Variants in SOX5 observed in about 807,000 individuals in gnomAD.
SOX5 encodes transcription factor SOX-5.
Under a neutral mutation model 92.0 loss-of-function variants are expected in SOX5, and 9 were observed. That is an observed-to-expected ratio of 0.10 (90% confidence interval 0.06 to 0.17). The LOEUF (loss-of-function observed/expected upper bound fraction) is 0.17. Among genes scored for constraint, SOX5 ranks in the 10% least tolerant of loss-of-function variants. The pLI, the probability that SOX5 is intolerant of heterozygous loss-of-function variation, is 1.00. For synonymous variants in SOX5, 344 were observed against 336.3 expected (o/e 1.02, Z -0.25); for missense variants, 642 against 944.5 (o/e 0.68, Z 4.20).
intron 2 of SOX5, among the ~76,000 whole-genome samples, chr12:24,301,905 A>C (rs757154927): frequency 6.6e-6 from 1 of 152,194 alleles, no homozygotes; most frequent in Non-Finnish European, 1.5e-5. Context: ...CAGCAACTAC[A>C]TCAGTTCTGA....
chr12:24,256,871 C>T (rs1372880835), intron 3 of SOX5, among the ~76,000 whole-genome samples: 2 of 152,182 alleles, frequency 1.3e-5, no homozygotes, highest in African/African-American at 4.8e-5. Context: ...TTATTAATTG[C>T]ACTTGTCAAC....
chr12:24,358,725 A>G (rs936561804), intron 2 of SOX5, among the ~76,000 whole-genome samples: 8 of 152,260 alleles, frequency 5.3e-5, no homozygotes, highest in Non-Finnish European at 1.2e-4. Context: ...ACAAAGCAAT[A>G]AATGGCAAGC....
intron 4 of SOX5, among the ~76,000 whole-genome samples, chr12:24,166,067 T>C (rs1017783188): frequency 2.0e-5 from 3 of 151,516 alleles, no homozygotes; most frequent in Non-Finnish European, 2.9e-5. Flanking sequence ...AGAAGAGACA[T>C]AGAGGAGGAG....
chr12:24,226,885 T>TG (rs1962156212), intron 3 of SOX5, among the ~76,000 whole-genome samples: 2 of 42,558 alleles, frequency 4.7e-5, no homozygotes, highest in Non-Finnish European at 1.2e-4. Context: ...AATGAATGAA[T>TG]AAATCTACTG....
chr12:24,105,651 T>C (rs1946589029), intron 4 of SOX5, among the ~76,000 whole-genome samples: 1 of 152,226 alleles, frequency 6.6e-6, no homozygotes, highest in South Asian at 2.1e-4. Flanking sequence ...TTGTGAAATA[T>C]AATACAATTA....
intron 8 of SOX5, among the ~76,000 whole-genome samples, chr12:23,620,718 C>A (rs2077070755): frequency 6.6e-6 from 1 of 152,026 alleles, no homozygotes; most frequent in African/African-American, 2.4e-5. Context: ...ATTTACAATT[C>A]ATTTTTACTT....
chr12:23,945,877 C>G (rs1344121650), intron 1 of SOX5, among the ~76,000 whole-genome samples: 1 of 152,084 alleles, frequency 6.6e-6, no homozygotes, highest in Non-Finnish European at 1.5e-5. Flanking sequence ...CAAAATATAT[C>G]TGTGTCATAA....
At chr12:23,853,531 A>G (rs2096655788) in intron 2 of SOX5, among the ~76,000 whole-genome samples, 2 of 149,638 alleles carry the variant, frequency 1.3e-5, no homozygotes, top group South Asian at 4.2e-4. Context: ...CATGGGCAAA[A>G]GTGTCTAACG....
At chr12:24,267,475 A>G (rs772213078) in intron 3 of SOX5, among the ~76,000 whole-genome samples, 4 of 152,208 alleles carry the variant, frequency 2.6e-5, no homozygotes, top group Non-Finnish European at 4.4e-5. Context: ...TTCATTTTAA[A>G]ATTAATCTCA....
At chr12:24,333,846 C>A in intron 2 of SOX5, among the ~76,000 whole-genome samples, 18 of 61,380 alleles carry the variant, frequency 2.9e-4, no homozygotes, top group Non-Finnish European at 3.4e-4. Context: ...TAAAGTTCAC[C>A]AAGTTAAAAA....
intron 1 of SOX5, among the ~76,000 whole-genome samples, chr12:24,528,179 C>T (rs750908743): frequency 6.6e-5 from 10 of 152,212 alleles, no homozygotes; most frequent in East Asian, 1.9e-4. Context: ...CGCATAGTCA[C>T]GTAAGACATG....
intron 8 of SOX5, among the ~76,000 whole-genome samples, chr12:23,630,198 C>A (rs2078351691): frequency 6.6e-6 from 1 of 151,796 alleles, no homozygotes; most frequent in Non-Finnish European, 1.5e-5. Flanking sequence ...TTAGAGGCAG[C>A]ACATAGAAAC....
intron 3 of SOX5, among the ~76,000 whole-genome samples, chr12:23,824,380 T>A (rs896938143): frequency 6.6e-6 from 1 of 152,216 alleles, no homozygotes; most frequent in African/African-American, 2.4e-5. Flanking sequence ...AGACCTCTCT[T>A]CTGCAGGTCT....
At chr12:24,129,258 G>GCTTTA (rs1363244552) in intron 4 of SOX5, among the ~76,000 whole-genome samples, 2 of 152,126 alleles carry the variant, frequency 1.3e-5, no homozygotes, top group African/African-American at 4.8e-5. Flanking sequence ...CATATTAACA[G>GCTTTA]CTTTAGTCTA....
chr12:23,732,219 C>T (rs2093420047), intron 6 of SOX5, among the ~76,000 whole-genome samples: 1 of 151,880 alleles, frequency 6.6e-6, no homozygotes, highest in African/African-American at 2.4e-5. Flanking sequence ...GAAGAAAAAA[C>T]ATTCTAAAAT....
chr12:23,659,879 A>C (rs903518346), intron 7 of SOX5, among the ~76,000 whole-genome samples: 2 of 152,140 alleles, frequency 1.3e-5, no homozygotes, highest in Non-Finnish European at 2.9e-5. Context: ...AGGCAGGAGA[A>C]TCTCTTGAAC....
At chr12:24,130,751 C>T (rs1565496286) in intron 4 of SOX5, among the ~76,000 whole-genome samples, 1 of 152,162 alleles carries the variant, frequency 6.6e-6, no homozygotes, top group Non-Finnish European at 1.5e-5. Context: ...TTGCTGGCTG[C>T]TTCCCTGTGG....
At chr12:24,020,817 C>T (rs548692342) in intron 4 of SOX5, among the ~76,000 whole-genome samples, 1 of 152,186 alleles carries the variant, frequency 6.6e-6, no homozygotes, top group African/African-American at 2.4e-5. Flanking sequence ...TGTCACTGGA[C>T]CTGAGAGACG....
intron 9 of SOX5, among the ~76,000 whole-genome samples, chr12:23,601,414 G>C (rs1202567434): frequency 6.6e-6 from 1 of 152,112 alleles, no homozygotes; most frequent in East Asian, 1.9e-4. Context: ...TGTGACTTAT[G>C]ATTTCATTGT....
Sources: gnomAD v4.1 joint callset for allele counts (sites outside exome capture counted in the v4.1 genomes callset) on GRCh38, gnomAD v4.1.1 for gene constraint, MANE v1.5 for transcripts, NCBI Gene and HGNC (gene_info 2026-07-23, HGNC 2026-07-21) for gene names.